Variants in EML6 observed in about 807,000 individuals in gnomAD.
EML6 encodes the protein echinoderm microtubule-associated protein-like 6.
A neutral mutation model predicts 240.1 loss-of-function variants in EML6; 154 were observed. The observed-to-expected ratio is 0.64, with a 90% CI of 0.56 to 0.73. EML6 has a LOEUF of 0.73. Among genes scored for constraint, EML6 ranks in the 30% least tolerant of loss-of-function variants. The probability of loss-of-function intolerance (pLI) is 0.00; values close to 1 mark genes in which losing one functional copy is unlikely to be tolerated. For missense variants in EML6, 2,964 were observed against 2,474.6 expected (o/e 1.20, Z -4.20); for synonymous variants, 1,148 against 899.0 (o/e 1.28, Z -4.95).
chr2:54,863,274 A>G (rs1187794496), intron 12 of EML6, among the ~76,000 whole-genome samples: 1 of 152,224 alleles, frequency 6.6e-6, no homozygotes, highest in Non-Finnish European at 1.5e-5. Context: ...TACAAAACAA[A>G]GCTTAAAACC....
chr2:54,789,530 A>AG (rs1669301613), intron 2 of EML6, among the ~76,000 whole-genome samples: 2 of 133,792 alleles, frequency 1.5e-5, no homozygotes, highest in Admixed American at 7.2e-5. Flanking sequence ...AAAAAAAAAA[A>AG]AAAAAAAAAA....
chr2:54,934,606 G>C (rs896027727), intron 28 of EML6, among the ~76,000 whole-genome samples: 1 of 151,944 alleles, frequency 6.6e-6, no homozygotes, highest in Non-Finnish European at 1.5e-5. Context: ...GTGTAGTATG[G>C]TGGCATGATC....
intron 11 of EML6, among the ~76,000 whole-genome samples, chr2:54,856,147 C>T (rs758262150): frequency 6.6e-6 from 1 of 152,178 alleles, no homozygotes; most frequent in Non-Finnish European, 1.5e-5. Context: ...GTTTACGTAG[C>T]CAAACCAATT....
At chr2:54,913,071 G>GTTTTTTT (rs1216432893) in intron 25 of EML6, among the ~76,000 whole-genome samples, 176 of 125,410 alleles carry the variant, frequency 1.4e-3, no homozygotes, top group Middle Eastern at 4.5e-3. Flanking sequence ...GCCAGATTCT[G>GTTTTTTT]TTTTTTTTTT....
At chr2:54,799,464 G>A (rs147027264) in intron 2 of EML6, among the ~76,000 whole-genome samples, 1 of 152,100 alleles carries the variant, frequency 6.6e-6, no homozygotes, top group African/African-American at 2.4e-5. Flanking sequence ...TCCTGCCTCA[G>A]CCTCCTGAGT....
At chr2:54,797,182 A>AAAAAAAAC (rs1669856219) in intron 2 of EML6, among the ~76,000 whole-genome samples, 2 of 148,140 alleles carry the variant, frequency 1.4e-5, no homozygotes, top group Admixed American at 6.8e-5. Context: ...AAAAAAAAAA[A>AAAAAAAAC]AAAAAAACTG....
chr2:54,911,070 A>G, intron 25 of EML6, 28 bp downstream of exon 25: 5 of 1,225,772 alleles, frequency 4.1e-6, no homozygotes, highest in Non-Finnish European at 5.8e-6. Flanking sequence ...AGATTTTTAA[A>G]GATATTTTGT....
intron 16 of EML6, among the ~76,000 whole-genome samples, chr2:54,875,663 A>C (rs1193077045): frequency 6.6e-6 from 1 of 152,266 alleles, no homozygotes; most frequent in Admixed American, 6.5e-5. Context: ...TTTCTTGGGC[A>C]AAATCTGTAA....
chr2:54,903,259 G>T (rs1234350110), intron 23 of EML6, 63 bp downstream of exon 23: 3 of 1,524,660 alleles, frequency 2.0e-6, no homozygotes, highest in South Asian at 1.2e-5. Flanking sequence ...TTACAAGAAT[G>T]AACTATTTCA....
chr2:54,919,098 G>A (rs1441987748), intron 26 of EML6, among the ~76,000 whole-genome samples: 1 of 152,068 alleles, frequency 6.6e-6, no homozygotes, highest in Non-Finnish European at 1.5e-5. Flanking sequence ...ACGTTTGAAG[G>A]CACCTATACT....
At chr2:54,840,981 C>G (rs953676656) in intron 7 of EML6, among the ~76,000 whole-genome samples, 1 of 152,206 alleles carries the variant, frequency 6.6e-6, no homozygotes, top group South Asian at 2.1e-4. Context: ...ACTAATTCAG[C>G]CCCTCCTCCC....
rs772188960 is a variant in EML6 at position 54,903,203 on chromosome 2, A to T, written c.3277+7A>T. 2 of 1,551,166 alleles carry T rather than the reference A, an allele frequency of 1.3e-6. No individual in the cohort carries two copies. The highest frequency in any genetic ancestry group is 8.7e-7 in the Non-Finnish European group (1 of 1,146,372). ...GATATTAAGTTTTCAAAAGGTGAAGATGACAGCAGATACTTTTTAAAATAG... is the reference window on the plus strand; with the variant it reads ...GATATTAAGTTTTCAAAAGGTGAAGTTGACAGCAGATACTTTTTAAAATAG... On this transcript the variant is annotated splice_region_variant and intron_variant, in intron 23 of 41. Transcript: ENST00000356458.
intron 2 of EML6, among the ~76,000 whole-genome samples, chr2:54,752,214 C>T (rs1023773751): frequency 6.6e-6 from 1 of 152,016 alleles, no homozygotes; most frequent in African/African-American, 2.4e-5. Context: ...CCTATATTTA[C>T]TCATTAAACA....
chr2:54,851,222 A>C (rs367892159), intron 10 of EML6, among the ~76,000 whole-genome samples: 2 of 152,068 alleles, frequency 1.3e-5, no homozygotes, highest in African/African-American at 4.8e-5. Context: ...CAACCTGGCC[A>C]ACATGGTGAA....
rs527555848 is a variant in EML6 at position 54,950,859 on chromosome 2, C to G, written c.4213+80C>G. ...TCCCCACTCTTTAGATGCCCAAAAGCTTAAGCATTTTCCTTCCCTTATAGA... is the reference window on the plus strand; with the variant it reads ...TCCCCACTCTTTAGATGCCCAAAAGGTTAAGCATTTTCCTTCCCTTATAGA... On this transcript the variant is annotated intron_variant, in intron 30 of 41. Coordinates refer to ENST00000356458, the MANE Select transcript of EML6 (RefSeq NM_001039753.4). 86 of 1,423,482 alleles carry G rather than the reference C, an allele frequency of 6.0e-5. 3 individuals carry two copies. In the South Asian group the frequency reaches 1.1e-3, roughly 18 times the overall value. The allele number at this position is 1,423,482 out of a possible 1,614,324, so 88.2% of individuals were successfully genotyped here.
chr2:54,886,524 T>G lies in EML6; in HGVS notation c.2439-4530T>G, dbSNP rs375655641. On this transcript the variant is annotated intron_variant, in intron 17 of 41. Coordinates refer to ENST00000356458, the MANE Select transcript of EML6 (RefSeq NM_001039753.4). ...CTTTTACATTTAGATCTGGTGAGAA[T>G]GGAAAATGGTGCAGCAACTTGGAAA... Among the ~76,000 whole-genome samples, 240 of 152,324 alleles carry G rather than the reference T, an allele frequency of 1.6e-3. 1 individual carries two copies. The highest frequency in any genetic ancestry group is 2.9e-3 in the Non-Finnish European group (196 of 68,036).
At chr2:54,895,557 C>T (rs962320005) in intron 21 of EML6, among the ~76,000 whole-genome samples, 157 bp downstream of exon 21, 4 of 152,240 alleles carry the variant, frequency 2.6e-5, no homozygotes, top group Non-Finnish European at 5.9e-5. Flanking sequence ...CAAATTGCCA[C>T]AAGCTTAGCA....
intron 2 of EML6, among the ~76,000 whole-genome samples, chr2:54,809,941 G>A (rs1417127736): frequency 2.0e-5 from 1 of 50,926 alleles, no homozygotes; most frequent in Non-Finnish European, 4.6e-5. Context: ...GAGTTTCTGG[G>A]AAGCCTGATG....
At chr2:54,737,410 T>TG (rs1372474334) in intron 2 of EML6, among the ~76,000 whole-genome samples, 4 of 152,208 alleles carry the variant, frequency 2.6e-5, no homozygotes, top group Admixed American at 2.0e-4. Flanking sequence ...GCGATTCTTC[T>TG]GCCTCAGCCT....
Sources: gnomAD v4.1 joint callset for allele counts (sites outside exome capture counted in the v4.1 genomes callset) on GRCh38, gnomAD v4.1.1 for gene constraint, MANE v1.5 for transcripts, NCBI Gene and HGNC (gene_info 2026-07-23, HGNC 2026-07-21) for gene names.